Variants in ONECUT1 observed in about 807,000 individuals in gnomAD.
ONECUT1 encodes one cut homeobox 1, also known as hepatocyte nuclear factor 6.
ONECUT1 carries 12 observed loss-of-function variants against 25.6 expected under a neutral mutation model. The observed-to-expected ratio is 0.47, with a 90% CI of 0.30 to 0.76. The LOEUF (loss-of-function observed/expected upper bound fraction) is 0.76, where lower values mean the gene tolerates loss of function less well. Ranked by LOEUF, ONECUT1 falls within the 30% of genes least tolerant of loss-of-function variation. The probability of loss-of-function intolerance (pLI) is 0.07; values close to 1 mark genes in which losing one functional copy is unlikely to be tolerated. For synonymous variants in ONECUT1, 285 were observed against 270.2 expected (o/e 1.05, Z -0.54); for missense variants, 620 against 651.2 (o/e 0.95, Z 0.52).
chr15:52,780,561 A>G (rs2083834112), intron 1 of ONECUT1: 1 of 1,530,876 alleles, frequency 6.5e-7, no homozygotes, highest in Non-Finnish European at 8.8e-7. Flanking sequence ...CCCCAAATGA[A>G]TTGAAAGGAC....
intron 1 of ONECUT1, among the ~76,000 whole-genome samples, chr15:52,780,342 C>T (rs2083832536): frequency 6.6e-6 from 1 of 152,174 alleles, no homozygotes; most frequent in Non-Finnish European, 1.5e-5. Flanking sequence ...ATCAGCACTT[C>T]CCCCTTTTAA....
intron 1 of ONECUT1, among the ~76,000 whole-genome samples, chr15:52,761,335 T>G (rs2456535): frequency 0.75 from 114,479 of 152,132 alleles, 43,514 homozygotes; most frequent in East Asian, 1. Flanking sequence ...CAGAAACTCA[T>G]AATCTGCTTT....
chr15:52,777,737 C>CACACACACACAA (rs57187579), intron 1 of ONECUT1, among the ~76,000 whole-genome samples: 3 of 103,450 alleles, frequency 2.9e-5, no homozygotes, highest in East Asian at 3.4e-4. Flanking sequence ...CACACACACA[C>CACACACACACAA]AAAAAAACAT....
intron 1 of ONECUT1, chr15:52,787,984 C>T (rs975889250): frequency 6.6e-6 from 1 of 152,238 alleles, no homozygotes; most frequent in African/African-American, 2.4e-5. Context: ...CCCAAACCCC[C>T]CTCCCGCACG....
Position 52,755,124 on chromosome 15 carries a change from G to T in ONECUT1, c.*2431C>A, listed in dbSNP as rs2083668011. Among the ~76,000 whole-genome samples the T allele has an allele frequency of 6.6e-6, 1 of 151,952 alleles. No homozygotes were observed. The highest frequency in any genetic ancestry group is 2.1e-4 in the South Asian group (1 of 4,824). ...TGAATTCTGCTATTCTTTTCTTGGG[G>T]TATTGAATTTGGTAAGATTGTGTGT... On this transcript the variant is annotated 3_prime_UTR_variant, in exon 2 of 2. Transcript: ENST00000305901.
intron 1 of ONECUT1, among the ~76,000 whole-genome samples, chr15:52,778,618 T>C (rs1167659744): frequency 2.0e-5 from 3 of 152,192 alleles, no homozygotes; most frequent in Non-Finnish European, 2.9e-5. Flanking sequence ...ACACAAGCAA[T>C]GGAATCTCAA....
intron 1 of ONECUT1, among the ~76,000 whole-genome samples, chr15:52,777,707 C>T (rs1379906172): frequency 9.2e-6 from 1 of 109,006 alleles, no homozygotes; most frequent in African/African-American, 7.3e-5. Flanking sequence ...AACACACACA[C>T]ACACACACAC....
At chr15:52,763,382 G>GA (rs546043526) in intron 1 of ONECUT1, among the ~76,000 whole-genome samples, 40 of 147,920 alleles carry the variant, frequency 2.7e-4, no homozygotes, top group Non-Finnish European at 3.3e-4. Context: ...AGATTATGAA[G>GA]AAAAAAAAAA....
chr15:52,770,499 G>C (rs1024824310), intron 1 of ONECUT1, among the ~76,000 whole-genome samples: 4 of 152,098 alleles, frequency 2.6e-5, no homozygotes, highest in Admixed American at 6.6e-5. Flanking sequence ...CTGCTGGTCC[G>C]GGACTGCACT....
At position 52,786,214 on chromosome 15, in the gene ONECUT1, C is replaced by G. The variant is rs542689441; in HGVS notation, c.1105+2566G>C. 2.0e-5 allele frequency among the ~76,000 whole-genome samples: 3 copies of G among 152,374 alleles called. No homozygotes were observed. The South Asian group carries it at 6.2e-4, about 32-fold the overall frequency. ...TTGGAAAGTTCAGAAAATAACCCCA[C>G]TCTTTTTAAAATATGAAAATGTTAA... On this transcript the variant is annotated intron_variant, in intron 1 of 1. Transcript: ENST00000305901.
chr15:52,763,482 A>G (rs1398812752), intron 1 of ONECUT1, among the ~76,000 whole-genome samples: 6 of 152,230 alleles, frequency 3.9e-5, no homozygotes, highest in Non-Finnish European at 8.8e-5. Context: ...GGCAGAGCCA[A>G]GTGGGTTTCA....
At chr15:52,785,521 G>A (rs1276744182) in intron 1 of ONECUT1, among the ~76,000 whole-genome samples, 1 of 152,232 alleles carries the variant, frequency 6.6e-6, no homozygotes, top group Admixed American at 6.5e-5. Flanking sequence ...CCTGCGCGCC[G>A]CCTTCCCCTG....
At chr15:52,779,340 G>C (rs556780978) in intron 1 of ONECUT1, among the ~76,000 whole-genome samples, 3 of 151,770 alleles carry the variant, frequency 2.0e-5, no homozygotes, top group African/African-American at 7.3e-5. Flanking sequence ...TGCCCGCCTC[G>C]GCCTCCCAAA....
At chr15:52,760,258 C>T (rs1442594800) in intron 1 of ONECUT1, among the ~76,000 whole-genome samples, 1 of 152,146 alleles carries the variant, frequency 6.6e-6, no homozygotes, top group East Asian at 1.9e-4. Flanking sequence ...GTGAGAGTCT[C>T]CAAATAGAGT....
rs767389094 is a variant in ONECUT1, at chr15:52,757,590, AG to A, written c.1362del (p.Ser455HisfsTer18). On this transcript the variant is annotated frameshift_variant, in exon 2 of 2. Transcript: ENST00000305901. LOFTEE classifies it high-confidence loss of function. ...GTACAAGTGCTTGATGAAGAAGATGAGTTGCCTGAATTGGAGCTGCCCTCGT... is the reference window on the plus strand; with the variant it reads ...GTACAAGTGCTTGATGAAGAAGATGATTGCCTGAATTGGAGCTGCCCTCGT... ...WQDEGSSNSG[N>X]SSSSSSTCTK... 1.9e-6 allele frequency: 3 copies of A among 1,613,846 alleles called. No individual in the cohort carries two copies.
At chr15:52,777,737 C>CACACAAAAAAAAAAAAAAA (rs57187579) in intron 1 of ONECUT1, among the ~76,000 whole-genome samples, 24 of 103,440 alleles carry the variant, frequency 2.3e-4, no homozygotes, top group African/African-American at 1.0e-3. Flanking sequence ...CACACACACA[C>CACACAAAAAAAAAAAAAAA]AAAAAAACAT....
intron 1 of ONECUT1, among the ~76,000 whole-genome samples, chr15:52,777,860 A>C (rs1413285429): frequency 6.6e-6 from 1 of 152,208 alleles, no homozygotes; most frequent in East Asian, 1.9e-4. Context: ...TGCTCAAATG[A>C]GTGAAAAAAT....
At chr15:52,785,098 T>G (rs1034358215) in intron 1 of ONECUT1, among the ~76,000 whole-genome samples, 8 of 152,230 alleles carry the variant, frequency 5.3e-5, no homozygotes, top group African/African-American at 1.4e-4. Flanking sequence ...CAGTCCTGGC[T>G]TCTCTCCCGG....
At chr15:52,766,158 A>C (rs1186089375) in intron 1 of ONECUT1, among the ~76,000 whole-genome samples, 1 of 152,220 alleles carries the variant, frequency 6.6e-6, no homozygotes, top group Non-Finnish European at 1.5e-5. Context: ...CTTGCTTTAT[A>C]GTGCTTAAAA....
Sources: allele counts gnomAD v4.1 joint callset (sites outside exome capture counted in the v4.1 genomes callset), GRCh38; gene constraint gnomAD v4.1.1; transcripts MANE v1.5; gene names NCBI Gene and HGNC (gene_info 2026-07-23, HGNC 2026-07-21).